The following MMRN1 variants were observed in gnomAD, a reference collection of about 807,000 sequenced individuals.
MMRN1 encodes multimerin-1.
A neutral mutation model predicts 100.7 loss-of-function variants in MMRN1; 94 were observed. The observed-to-expected ratio is 0.93, with a 90% CI of 0.79 to 1.11. MMRN1 has a LOEUF of 1.11. Ranked by LOEUF, MMRN1 falls within the 50% of genes least tolerant of loss-of-function variation. MMRN1 has a pLI of 0.00. For missense variants in MMRN1, 1,606 were observed against 1,439.1 expected (o/e 1.12, Z -1.88); for synonymous variants, 575 against 505.0 (o/e 1.14, Z -1.86).
Position 89,925,570 on chromosome 4 carries a change from G to A in MMRN1, c.956-2225G>A, listed in dbSNP as rs193035552. 4.5e-3 allele frequency among the ~76,000 whole-genome samples: 680 copies of A among 151,082 alleles called. 7 individuals carry two copies. The highest frequency in any genetic ancestry group is 0.016 in the African/African-American group (658 of 41,238). ...TTTTAGGCTGGGTGTGGTGGCTCAC[G>A]CCTGTAATCCCAACACTTTGGGAGG... On this transcript the variant is annotated intron_variant, in intron 4 of 7. Coordinates refer to ENST00000264790, the MANE Select transcript of MMRN1 (RefSeq NM_007351.3).
Position 89,935,382 on chromosome 4 carries a change from C to A in MMRN1, c.1702C>A (p.His568Asn). ...GATGCTGCAAATGTTTGAAGATTTG[C>A]ACATTCAAGAAAGCAAGATTAACAA... ...LMMLQMFEDL[H>N]IQESKINNLT... Residue 568 changes from histidine to asparagine, a missense_variant, in exon 6 of 8, where the codon CAC (histidine) becomes AAC (asparagine). Physicochemically the swap from His to Asn is moderately conservative, Grantham distance 68. Transcript: ENST00000264790. The A allele has an allele frequency of 6.2e-7, 1 of 1,613,238 alleles. No homozygotes were observed. Among genetic ancestry groups the A allele is most frequent in the Non-Finnish European group, 8.5e-7 (1 of 1,179,674 alleles).
chr4:89,949,468 A>C (rs1251676087), intron 6 of MMRN1, among the ~76,000 whole-genome samples: 5 of 152,224 alleles, frequency 3.3e-5, no homozygotes, highest in Non-Finnish European at 7.3e-5. Flanking sequence ...GATACAGAAT[A>C]TTCACATTAC....
chr4:89,885,751 T>C (rs1720921677), intron 1 of MMRN1, among the ~76,000 whole-genome samples: 1 of 152,084 alleles, frequency 6.6e-6, no homozygotes, highest in South Asian at 2.1e-4. Flanking sequence ...ACTTTTATTT[T>C]CTAACAGTTA....
upstream of MMRN1, among the ~76,000 whole-genome samples, chr4:89,893,923 A>G (rs1353351944): frequency 6.6e-6 from 1 of 152,162 alleles, no homozygotes; most frequent in African/African-American, 2.4e-5. Flanking sequence ...GGAGAAATTA[A>G]ATGATAAATC....
chr4:89,892,200 A>G (rs567901004), upstream of MMRN1, among the ~76,000 whole-genome samples: 83 of 151,992 alleles, frequency 5.5e-4, 1 homozygote, highest in Middle Eastern at 6.8e-3. Context: ...AACTCATAAT[A>G]TAATAAATTT....
upstream of MMRN1, among the ~76,000 whole-genome samples, chr4:89,894,207 A>G (rs1721119753): frequency 6.6e-6 from 1 of 152,154 alleles, no homozygotes; most frequent in South Asian, 2.1e-4. Flanking sequence ...TCTCTGGTAG[A>G]AGTTCCAGGA....
In MMRN1 at chr4:89,936,386, A is replaced by T; in HGVS notation, c.2706A>T (p.Arg902Ser). ...TTCAACTGCAAGTATTAAATTCCAG[A>T]TTTAAGGCGTTGGAAGCAAAATCTA... ...QALQLQVLNS[R>S]FKALEAKSIH... Residue 902 changes from arginine (R) to serine (S), a missense_variant, in exon 6 of 8, where the codon AGA becomes AGT. Arg to Ser is a moderately radical substitution (Grantham distance 110, BLOSUM62 -1). Transcript: ENST00000264790. 5.0e-6 allele frequency: 8 copies of T among 1,609,392 alleles called. No individual in the cohort carries two copies. Among genetic ancestry groups the T allele is most frequent in the Non-Finnish European group, 6.8e-6 (8 of 1,178,714 alleles).
At position 89,935,382 on chromosome 4, in the gene MMRN1, C is replaced by G; in HGVS notation, c.1702C>G (p.His568Asp). The change falls in exon 6 of 8, where the codon CAC (histidine) becomes GAC (aspartate). Residue 568 changes from histidine (H) to aspartate (D), a missense_variant. By Grantham distance (81) the His-to-Asp change is moderately conservative. Transcript: ENST00000264790. Reference protein sequence around the residue: ...LMMLQMFEDLHIQESKINNLT... With the variant: ...LMMLQMFEDLDIQESKINNLT... ...GATGCTGCAAATGTTTGAAGATTTG[C>G]ACATTCAAGAAAGCAAGATTAACAA... The G allele has an allele frequency of 6.2e-7, 1 of 1,613,238 alleles. No homozygotes were observed.
chr4:89,947,889 G>A (rs1003287030), intron 6 of MMRN1, among the ~76,000 whole-genome samples: 19 of 152,144 alleles, frequency 1.2e-4, no homozygotes, highest in African/African-American at 4.1e-4. Flanking sequence ...GTCTCACTCC[G>A]TCGCCCAGGC....
chr4:89,941,989 A>C (rs914603033), intron 6 of MMRN1, among the ~76,000 whole-genome samples: 1 of 152,170 alleles, frequency 6.6e-6, no homozygotes, highest in Non-Finnish European at 1.5e-5. Flanking sequence ...GCAAATGCTG[A>C]CAAAATTGAC....
At chr4:89,910,117 G>A (rs1340939726) in intron 2 of MMRN1, among the ~76,000 whole-genome samples, 15 of 151,340 alleles carry the variant, frequency 9.9e-5, no homozygotes, top group Admixed American at 9.3e-4. Flanking sequence ...TCTGACACAT[G>A]GCAATCTGGA....
At chr4:89,883,183 A>G (rs531523557) in intron 1 of MMRN1, among the ~76,000 whole-genome samples, 9 of 152,056 alleles carry the variant, frequency 5.9e-5, no homozygotes, top group African/African-American at 2.2e-4. Context: ...ATATTCTCTT[A>G]TATTTGGGCT....
At chr4:89,938,883 T>C (rs368433406) in intron 6 of MMRN1, among the ~76,000 whole-genome samples, 1 of 152,194 alleles carries the variant, frequency 6.6e-6, no homozygotes, top group East Asian at 1.9e-4. Flanking sequence ...GTAATAAAGA[T>C]ATACTGACCT....
chr4:89,881,537 T>G (rs1056491100), intron 1 of MMRN1, among the ~76,000 whole-genome samples: 1 of 152,116 alleles, frequency 6.6e-6, no homozygotes, highest in Admixed American at 6.6e-5. Flanking sequence ...CTTTTCATTT[T>G]CTTGTAAATG....
At chr4:89,902,810 A>T (rs560789903) in intron 1 of MMRN1, among the ~76,000 whole-genome samples, 1 of 152,134 alleles carries the variant, frequency 6.6e-6, no homozygotes, top group African/African-American at 2.4e-5. Context: ...GCTTTGCATA[A>T]TTGCTTTTCA....
intron 1 of MMRN1, among the ~76,000 whole-genome samples, chr4:89,900,084 G>A (rs758155237): frequency 3.3e-5 from 5 of 151,942 alleles, no homozygotes; most frequent in Non-Finnish European, 5.9e-5. Context: ...TGAGATTTTG[G>A]TCACATATCA....
At chr4:89,912,908 G>A (rs1292880877) in intron 3 of MMRN1, among the ~76,000 whole-genome samples, 1 of 151,198 alleles carries the variant, frequency 6.6e-6, no homozygotes, top group East Asian at 1.9e-4. Flanking sequence ...CCTATACAAT[G>A]AGAATCTACA....
chr4:89,935,693 A>G lies in MMRN1; in HGVS notation c.2013A>G (p.Ala671=). Residue 671 remains alanine (A), a synonymous_variant, in exon 6 of 8, where the codon GCA becomes GCG. Coordinates refer to ENST00000264790, the MANE Select transcript of MMRN1 (RefSeq NM_007351.3). ...QTMTYEQPKE[A]IVIRKKIENL... ...TGACATATGAACAACCAAAGGAAGC[A>G]ATAGTGATAAGGAAAAAGATAGAAA... The G allele has an allele frequency of 6.2e-7, 1 of 1,612,860 alleles. No individual in the cohort carries two copies. The highest frequency in any genetic ancestry group is 8.5e-7 in the Non-Finnish European group (1 of 1,179,630).
chr4:89,924,274 C>A (rs1277945390), intron 4 of MMRN1, among the ~76,000 whole-genome samples: 1 of 151,824 alleles, frequency 6.6e-6, no homozygotes, highest in East Asian at 1.9e-4. Flanking sequence ...CCCTTTGTTT[C>A]TTTTTGAGAG....
Sources: allele counts gnomAD v4.1 joint callset (sites outside exome capture counted in the v4.1 genomes callset), GRCh38; gene constraint gnomAD v4.1.1; transcripts MANE v1.5; gene names NCBI Gene and HGNC (gene_info 2026-07-23, HGNC 2026-07-21).